CLVS1: variants seen among roughly 807,000 people sequenced by gnomAD.
CLVS1 encodes the protein clavesin-1.
Under a neutral mutation model 33.1 loss-of-function variants are expected in CLVS1, and 10 were observed. The observed-to-expected ratio is 0.30, with a 90% CI of 0.19 to 0.51. The LOEUF is 0.51. CLVS1 is among the 20% of genes least tolerant of loss of function. The probability of loss-of-function intolerance (pLI) is 0.97; values close to 1 mark genes in which losing one functional copy is unlikely to be tolerated. For synonymous variants in CLVS1, 163 were observed against 166.1 expected, an observed-to-expected ratio of 0.98 and a Z score of 0.14; for missense variants, 343 against 433.4, an observed-to-expected ratio of 0.79 and a Z score of 1.85.
the CLVS1 span, among the ~76,000 whole-genome samples, chr8:61,040,692 T>C: frequency 2.0e-5 from 3 of 152,184 alleles, no homozygotes; most frequent in Non-Finnish European, 1.5e-5. Flanking sequence ...GGTTATCTTG[T>C]TGAGTTGTTT....
At chr8:61,011,689 C>G in the CLVS1 span, among the ~76,000 whole-genome samples, 1 of 152,194 alleles carries the variant, frequency 6.6e-6, no homozygotes, top group African/African-American at 2.4e-5. Context: ...CCTCGTGATT[C>G]ACCCACCTCG....
At chr8:61,246,878 T>G (rs1808821976) in intron 2 of CLVS1, among the ~76,000 whole-genome samples, 1 of 152,048 alleles carries the variant, frequency 6.6e-6, no homozygotes, top group Non-Finnish European at 1.5e-5. Context: ...GTCATGGGGG[T>G]TTGTTGTACA....
chr8:61,178,556 A>G (rs1807163151), intron 2 of CLVS1, among the ~76,000 whole-genome samples: 1 of 152,140 alleles, frequency 6.6e-6, no homozygotes, highest in Non-Finnish European at 1.5e-5. Flanking sequence ...CAGATTCTCC[A>G]CGGTTGAAAT....
chr8:61,446,053 C>T (rs1460715549), intron 3 of CLVS1, among the ~76,000 whole-genome samples: 2 of 151,806 alleles, frequency 1.3e-5, no homozygotes, highest in African/African-American at 2.4e-5. Context: ...TTTTTTTGTT[C>T]CCTTGTCAAA....
chr8:61,305,469 C>T (rs112734424), intron 2 of CLVS1, among the ~76,000 whole-genome samples: 1 of 152,252 alleles, frequency 6.6e-6, no homozygotes, highest in African/African-American at 2.4e-5. Context: ...AACATAATGG[C>T]CTTCAGTTCC....
chr8:61,160,474 C>T (rs1321389654), intron 2 of CLVS1, among the ~76,000 whole-genome samples: 1 of 152,190 alleles, frequency 6.6e-6, no homozygotes, highest in Non-Finnish European at 1.5e-5. Flanking sequence ...GGGGAACTTG[C>T]AGTCAAGACT....
At chr8:61,064,858 C>T (rs1047534591) in intron 1 of CLVS1, among the ~76,000 whole-genome samples, 2 of 152,100 alleles carry the variant, frequency 1.3e-5, no homozygotes, top group South Asian at 2.1e-4. Context: ...CCCGCCACCA[C>T]GCCTGGCTAA....
At chr8:61,070,130 C>T (rs910737339) in intron 1 of CLVS1, among the ~76,000 whole-genome samples, 1 of 152,144 alleles carries the variant, frequency 6.6e-6, no homozygotes, top group South Asian at 2.1e-4. Context: ...TTTATCTCCC[C>T]TTGGCTGCCT....
intron 2 of CLVS1, among the ~76,000 whole-genome samples, chr8:61,273,187 G>C (rs1411122333): frequency 2.7e-5 from 4 of 149,732 alleles, no homozygotes; most frequent in Admixed American, 6.6e-5. Flanking sequence ...TGTCCTTTCT[G>C]TTTGTTAGTT....
Position 61,443,132 on chromosome 8 carries a change from T to G in CLVS1, c.631-11009T>G, listed in dbSNP as rs1392023162. On this transcript the variant is annotated intron_variant, in intron 3 of 5. Transcript: ENST00000325897. ...AGAGCTTATTATATATTCTAGATAC[T>G]TGTCCTTTGTTGGAATGTAATTTGC... 2.6e-5 allele frequency among the ~76,000 whole-genome samples: 4 copies of G among 152,342 alleles called. No individual in the cohort carries two copies. In the East Asian group the frequency reaches 7.7e-4, roughly 29 times the overall value.
At chr8:60,990,355 TTA>T in the CLVS1 span, among the ~76,000 whole-genome samples, 1 of 152,174 alleles carries the variant, frequency 6.6e-6, no homozygotes, top group Non-Finnish European at 1.5e-5. Context: ...TGGCACACGT[TTA>T]TGTTATTAAA....
chr8:61,420,200 C>T (rs540415997), intron 3 of CLVS1, among the ~76,000 whole-genome samples: 4 of 152,180 alleles, frequency 2.6e-5, no homozygotes, highest in East Asian at 1.9e-4. Flanking sequence ...ACTCATACAA[C>T]GGAACTGATA....
At chr8:61,322,575 A>G (rs1248551470) in intron 2 of CLVS1, among the ~76,000 whole-genome samples, 2 of 152,180 alleles carry the variant, frequency 1.3e-5, no homozygotes, top group Non-Finnish European at 1.5e-5. Context: ...CAGCTCACCC[A>G]AAGAGGGTTT....
chr8:61,250,841 T>A (rs1298838725), intron 2 of CLVS1, among the ~76,000 whole-genome samples: 2 of 152,204 alleles, frequency 1.3e-5, no homozygotes, highest in Admixed American at 1.3e-4. Context: ...TTTCTAAATA[T>A]ACAATCATGT....
chr8:61,029,545 A>G, the CLVS1 span, among the ~76,000 whole-genome samples: 2 of 151,910 alleles, frequency 1.3e-5, no homozygotes, highest in African/African-American at 4.8e-5. Context: ...ACCTGCTAAC[A>G]GGGAGCCCAG....
chr8:61,098,781 C>T (rs1805397781), intron 1 of CLVS1, among the ~76,000 whole-genome samples: 1 of 152,136 alleles, frequency 6.6e-6, no homozygotes, highest in Non-Finnish European at 1.5e-5. Flanking sequence ...ACCTTCCTTC[C>T]TCCTAGGAGC....
intron 1 of CLVS1, among the ~76,000 whole-genome samples, chr8:61,112,224 A>G (rs529061126): frequency 1.3e-5 from 2 of 152,130 alleles, no homozygotes; most frequent in African/African-American, 4.8e-5. Context: ...ACACACGCAC[A>G]GAGACAGAGA....
intron 2 of CLVS1, among the ~76,000 whole-genome samples, chr8:61,232,926 C>T (rs1024725445): frequency 2.6e-5 from 4 of 152,220 alleles, no homozygotes; most frequent in Non-Finnish European, 5.9e-5. Context: ...CTTCACTTTT[C>T]ATCTGTTTCC....
chr8:61,069,155 A>G (rs1339959423), intron 1 of CLVS1, among the ~76,000 whole-genome samples: 1 of 152,006 alleles, frequency 6.6e-6, no homozygotes, highest in South Asian at 2.1e-4. Flanking sequence ...TTTAGTAGAG[A>G]CTGGCTTTCA....
Sources: allele counts gnomAD v4.1 joint callset (sites outside exome capture counted in the v4.1 genomes callset), GRCh38; gene constraint gnomAD v4.1.1; transcripts MANE v1.5; gene names NCBI Gene and HGNC (gene_info 2026-07-23, HGNC 2026-07-21).